Variants in KHDRBS2 observed in about 807,000 individuals in gnomAD.
The protein encoded by KHDRBS2 is KH RNA binding domain containing, signal transduction associated 2.
A neutral mutation model predicts 44.3 loss-of-function variants in KHDRBS2; 26 were observed. That is an observed-to-expected ratio of 0.59 (90% confidence interval 0.43 to 0.81). KHDRBS2 has a LOEUF of 0.81. KHDRBS2 is among the 40% of genes least tolerant of loss of function. The pLI is 0.00. For missense variants in KHDRBS2, 476 were observed against 433.1 expected (o/e 1.10, Z -0.88); for synonymous variants, 194 against 151.1 (o/e 1.28, Z -2.08).
At chr6:61,603,781 G>T in the KHDRBS2 span, among the ~76,000 whole-genome samples, 126 of 152,120 alleles carry the variant, frequency 8.3e-4, no homozygotes, top group African/African-American at 2.8e-3. Flanking sequence ...AATTACCATT[G>T]TTCCTGGCTG....
intron 2 of KHDRBS2, among the ~76,000 whole-genome samples, chr6:62,154,300 C>T (rs1274142559): frequency 6.6e-6 from 1 of 152,150 alleles, no homozygotes; most frequent in Admixed American, 6.6e-5. Flanking sequence ...CCTTTCCCAT[C>T]CCTAATTTCT....
At chr6:62,075,240 A>G (rs749546952) in intron 2 of KHDRBS2, among the ~76,000 whole-genome samples, 3 of 151,870 alleles carry the variant, frequency 2.0e-5, no homozygotes, top group Admixed American at 6.6e-5. Flanking sequence ...ATTGTCATAA[A>G]TGGATTCCCT....
the KHDRBS2 span, among the ~76,000 whole-genome samples, chr6:61,646,598 T>C: frequency 6.6e-6 from 1 of 152,144 alleles, no homozygotes; most frequent in African/African-American, 2.4e-5. Flanking sequence ...CTTGAACTTA[T>C]AAAGTTGTGA....
chr6:61,568,285 C>G, the KHDRBS2 span, among the ~76,000 whole-genome samples: 1 of 152,164 alleles, frequency 6.6e-6, no homozygotes, highest in Non-Finnish European at 1.5e-5. Flanking sequence ...ATGCCTTCCA[C>G]TTCATTCTTT....
intron 6 of KHDRBS2, among the ~76,000 whole-genome samples, chr6:61,856,088 G>A (rs1354315954): frequency 6.6e-6 from 1 of 151,740 alleles, no homozygotes; most frequent in Non-Finnish European, 1.5e-5. Flanking sequence ...TTCCTTTTTT[G>A]TTGTTATGTA....
intron 6 of KHDRBS2, among the ~76,000 whole-genome samples, chr6:61,834,351 T>A (rs1792310276): frequency 6.6e-6 from 1 of 152,014 alleles, no homozygotes; most frequent in African/African-American, 2.4e-5. Flanking sequence ...TTAATCAGCA[T>A]ATGAAATATA....
intron 2 of KHDRBS2, among the ~76,000 whole-genome samples, chr6:62,115,329 C>T (rs1805962808): frequency 6.6e-6 from 1 of 152,080 alleles, no homozygotes; most frequent in African/African-American, 2.4e-5. Flanking sequence ...ACCAGCTCAC[C>T]CCAGGCTGAC....
chr6:61,760,830 A>G (rs1779165207), intron 6 of KHDRBS2, among the ~76,000 whole-genome samples: 1 of 152,230 alleles, frequency 6.6e-6, no homozygotes, highest in Non-Finnish European at 1.5e-5. Flanking sequence ...ATATGTTGGC[A>G]GGCATAATAC....
intron 2 of KHDRBS2, among the ~76,000 whole-genome samples, chr6:62,173,260 A>C (rs1319564939): frequency 6.6e-6 from 1 of 151,976 alleles, no homozygotes; most frequent in Non-Finnish European, 1.5e-5. Context: ...TTACCACTTT[A>C]GGGATCCCAC....
At chr6:61,969,361 C>T (rs144643405) in intron 4 of KHDRBS2, among the ~76,000 whole-genome samples, 1 of 152,124 alleles carries the variant, frequency 6.6e-6, no homozygotes, top group African/African-American at 2.4e-5. Context: ...AGTACACTCT[C>T]TAAACAAAGA....
intron 1 of KHDRBS2, among the ~76,000 whole-genome samples, chr6:62,251,761 A>G (rs1364121920): frequency 3.3e-5 from 5 of 151,994 alleles, no homozygotes; most frequent in Non-Finnish European, 7.4e-5. Context: ...ATCACACAAT[A>G]TGGAAATAAT....
chr6:62,253,014 A>G (rs1836793996), intron 1 of KHDRBS2, among the ~76,000 whole-genome samples: 2 of 152,064 alleles, frequency 1.3e-5, no homozygotes, highest in African/African-American at 4.8e-5. Context: ...ATAGCCTCAG[A>G]GTGTAACACT....
chr6:62,111,741 G>T (rs755892959), intron 2 of KHDRBS2, among the ~76,000 whole-genome samples: 1 of 152,034 alleles, frequency 6.6e-6, no homozygotes, highest in Non-Finnish European at 1.5e-5. Flanking sequence ...AATTAGCCGA[G>T]TATGGTGGCA....
At chr6:61,646,911 C>T in the KHDRBS2 span, among the ~76,000 whole-genome samples, 10 of 152,052 alleles carry the variant, frequency 6.6e-5, no homozygotes, top group South Asian at 4.1e-4. Context: ...CCTCCTCCTC[C>T]GGGGTTCAAG....
the KHDRBS2 span, among the ~76,000 whole-genome samples, chr6:61,554,016 C>G: frequency 1.3e-5 from 2 of 152,090 alleles, no homozygotes; most frequent in Non-Finnish European, 2.9e-5. Flanking sequence ...TCTCTTAGGT[C>G]TATTTTGTCA....
chr6:61,604,474 C>T, the KHDRBS2 span, among the ~76,000 whole-genome samples: 1 of 152,198 alleles, frequency 6.6e-6, no homozygotes, highest in Non-Finnish European at 1.5e-5. Flanking sequence ...GGTTCTTGGA[C>T]CAAAGAAAAT....
chr6:61,578,949 GA>G, the KHDRBS2 span, among the ~76,000 whole-genome samples: 1 of 152,102 alleles, frequency 6.6e-6, no homozygotes, highest in Non-Finnish European at 1.5e-5. Context: ...GGCCCAGGAG[GA>G]AGTTTGGTAA....
chr6:61,872,224 C>T (rs1407119816), intron 6 of KHDRBS2, among the ~76,000 whole-genome samples: 2 of 151,922 alleles, frequency 1.3e-5, no homozygotes, highest in South Asian at 2.1e-4. Flanking sequence ...ATTTGAGAGA[C>T]ATTAGAATTA....
At chr6:62,236,744 A>G (rs980811852) in intron 1 of KHDRBS2, among the ~76,000 whole-genome samples, 9 of 152,184 alleles carry the variant, frequency 5.9e-5, no homozygotes, top group Admixed American at 5.2e-4. Context: ...GTTGCCACAG[A>G]AAGAGTATCC....
Sources: allele counts gnomAD v4.1 joint callset (sites outside exome capture counted in the v4.1 genomes callset), GRCh38; gene constraint gnomAD v4.1.1; transcripts MANE v1.5; gene names NCBI Gene and HGNC (gene_info 2026-07-23, HGNC 2026-07-21).